The following ANOS1 variants were observed in gnomAD, a reference collection of about 807,000 sequenced individuals.
ANOS1 encodes anosmin 1.
In ANOS1, 6 loss-of-function variants were observed where a neutral mutation model predicts 59.0. The observed-to-expected ratio is 0.10, with a 90% CI of 0.06 to 0.20. ANOS1 has a LOEUF of 0.20. ANOS1 is among the 10% of genes least tolerant of loss of function. The pLI is 1.00. For synonymous variants in ANOS1, 217 were observed against 223.4 expected (o/e 0.97, Z 0.25); for missense variants, 433 against 542.3 (o/e 0.80, Z 2.00).
chrX:8,630,104 C>T (rs760212843), intron 2 of ANOS1, among the ~76,000 whole-genome samples: 2 of 111,698 alleles, frequency 1.8e-5, no homozygotes, highest in African/African-American at 3.3e-5. Context: ...TAAATAAGTC[C>T]GCATCAGTGA....
intron 2 of ANOS1, among the ~76,000 whole-genome samples, chrX:8,634,254 A>ATG (rs760958077): frequency 9.0e-6 from 1 of 110,873 alleles, no homozygotes; most frequent in Non-Finnish European, 1.9e-5. Flanking sequence ...TTATAAGTGT[A>ATG]TGTGTGTGTA....
rs775095434 is a variant in ANOS1, at chrX:8,619,460, C to T, written c.318+4148G>A. On this transcript the variant is annotated intron_variant, in intron 3 of 13. Coordinates refer to ENST00000262648, the MANE Select transcript of ANOS1 (RefSeq NM_000216.4). Reference sequence around the variant, plus strand: ...CTCTACTAAAAATACAAAAATTAGCCGGGCGTGGTGATGCATGCTTGTAGT... The same window carrying T: ...CTCTACTAAAAATACAAAAATTAGCTGGGCGTGGTGATGCATGCTTGTAGT... Among the ~76,000 whole-genome samples, 31 of 110,119 alleles carry T rather than the reference C, an allele frequency of 2.8e-4. No homozygotes were observed. In the East Asian group the frequency reaches 6.1e-3, roughly 22 times the overall value.
At chrX:8,576,521 T>C (rs1386513700) in intron 6 of ANOS1, among the ~76,000 whole-genome samples, 2 of 102,167 alleles carry the variant, frequency 2.0e-5, no homozygotes, top group Non-Finnish European at 3.9e-5. Flanking sequence ...CACACACATA[T>C]ATAGATGTAC....
chrX:8,539,776 G>A lies in ANOS1; in HGVS notation c.1355-18C>T, dbSNP rs774973205. On this transcript the variant is annotated intron_variant, in intron 9 of 13. Transcript: ENST00000262648. ...AGTGGGATCTATAATGCCAAAACAC[G>A]CAAACAAAAATAATAGGCTGGATGT... 15 of 1,207,728 alleles carry A rather than the reference G, an allele frequency of 1.2e-5. No individual in the cohort carries two copies. Among genetic ancestry groups the A allele is most frequent in the South Asian group, 7.1e-5 (4 of 56,586 alleles).
intron 1 of ANOS1, among the ~76,000 whole-genome samples, chrX:8,702,966 T>C (rs1343293998): frequency 8.9e-6 from 1 of 112,223 alleles, no homozygotes; most frequent in African/African-American, 3.2e-5. Context: ...ATCCTTGACA[T>C]GGGCACAGGT....
intron 8 of ANOS1, among the ~76,000 whole-genome samples, chrX:8,560,360 AG>A (rs1364680579): frequency 8.9e-6 from 1 of 111,959 alleles, no homozygotes; most frequent in Non-Finnish European, 1.9e-5. Flanking sequence ...GAAATTAAGC[AG>A]GGGTCAGTAA....
At chrX:8,577,910 T>G (rs943313969) in intron 6 of ANOS1, among the ~76,000 whole-genome samples, 2 of 111,745 alleles carry the variant, frequency 1.8e-5, no homozygotes, top group Non-Finnish European at 3.8e-5. Context: ...CCATCACTTT[T>G]TCTGAGGCAG....
intron 1 of ANOS1, among the ~76,000 whole-genome samples, chrX:8,729,847 G>C (rs1046470999): frequency 1.4e-4 from 15 of 109,883 alleles, no homozygotes; most frequent in Admixed American, 6.9e-4. Flanking sequence ...AGATAAATCA[G>C]ATAGGCATTA....
chrX:8,578,813 A>T (rs1441225926), intron 6 of ANOS1, among the ~76,000 whole-genome samples: 2 of 112,454 alleles, frequency 1.8e-5, no homozygotes, highest in Non-Finnish European at 3.8e-5. Context: ...CTAATTTCAA[A>T]TGAACAAACA....
At chrX:8,641,117 G>A (rs1259006752) in intron 2 of ANOS1, among the ~76,000 whole-genome samples, 1 of 112,249 alleles carries the variant, frequency 8.9e-6, no homozygotes, top group Non-Finnish European at 1.9e-5. Context: ...TCAGTCAGAT[G>A]TATGGAGTAT....
At chrX:8,681,559 C>T (rs1308094535) in intron 2 of ANOS1, among the ~76,000 whole-genome samples, 2 of 111,260 alleles carry the variant, frequency 1.8e-5, no homozygotes, top group African/African-American at 3.3e-5. Context: ...GAAATTTCTC[C>T]CTTTCCACAC....
intron 2 of ANOS1, among the ~76,000 whole-genome samples, chrX:8,696,853 T>C (rs1312276212): frequency 8.9e-6 from 1 of 112,391 alleles, no homozygotes; most frequent in Non-Finnish European, 1.9e-5. Context: ...GGGGAGGAAA[T>C]TGCCCTTGGT....
At chrX:8,727,724 G>A (rs187667075) in intron 1 of ANOS1, among the ~76,000 whole-genome samples, 115 of 112,277 alleles carry the variant, frequency 1.0e-3, no homozygotes, top group African/African-American at 3.7e-3. Context: ...TGTGAGACAT[G>A]AGTGTTCCCT....
chrX:8,612,994 C>A (rs1455108291), intron 3 of ANOS1, among the ~76,000 whole-genome samples: 2 of 111,897 alleles, frequency 1.8e-5, no homozygotes, highest in Non-Finnish European at 3.8e-5. Context: ...AAAGGAGACT[C>A]TCTTCATTCA....
At chrX:8,588,918 A>T (rs1930568540) in intron 4 of ANOS1, among the ~76,000 whole-genome samples, 1 of 112,832 alleles carries the variant, frequency 8.9e-6, no homozygotes, top group Non-Finnish European at 1.9e-5. Context: ...ATTACCATTA[A>T]TAGCATTTTC....
intron 1 of ANOS1, among the ~76,000 whole-genome samples, chrX:8,706,776 T>C: frequency 8.9e-6 from 1 of 112,315 alleles, no homozygotes; most frequent in Non-Finnish European, 1.9e-5. Context: ...TGTTCATAAG[T>C]AAGATTTCTT....
At chrX:8,642,526 A>T (rs1395775613) in intron 2 of ANOS1, among the ~76,000 whole-genome samples, 1 of 110,364 alleles carries the variant, frequency 9.1e-6, no homozygotes, top group Non-Finnish European at 1.9e-5. Flanking sequence ...TTATATTTCA[A>T]GAATGTTATT....
At chrX:8,537,018 C>A in intron 10 of ANOS1, 76 bp from the exon 11 acceptor site, 1 of 872,700 alleles carries the variant, frequency 1.1e-6, no homozygotes. Context: ...GAATTGAAAT[C>A]ATATTCCATC....
At chrX:8,552,711 CATTAT>C (rs1179529183) in intron 9 of ANOS1, among the ~76,000 whole-genome samples, 3 of 110,676 alleles carry the variant, frequency 2.7e-5, no homozygotes. Flanking sequence ...CATTTTATTA[CATTAT>C]GTTTAAAATT....
Sources: allele counts gnomAD v4.1 joint callset (sites outside exome capture counted in the v4.1 genomes callset), GRCh38; gene constraint gnomAD v4.1.1; transcripts MANE v1.5; gene names NCBI Gene and HGNC (gene_info 2026-07-23, HGNC 2026-07-21).